Variants in MYO9B observed in about 807,000 individuals in gnomAD.
MYO9B encodes the protein unconventional myosin-IXb.
A neutral mutation model predicts 229.5 loss-of-function variants in MYO9B; 71 were observed. The ratio of observed to expected loss-of-function variants is 0.31; its 90% CI spans 0.26 to 0.38. The LOEUF is 0.38. MYO9B is among the 10% of genes least tolerant of loss of function. The pLI is 1.00. For missense variants in MYO9B, 2,255 were observed against 2,920.5 expected (o/e 0.77, Z 5.25); for synonymous variants, 1,185 against 1,235.8 (o/e 0.96, Z 0.86).
intron 3 of MYO9B, among the ~76,000 whole-genome samples, chr19:17,149,403 G>A (rs1467057968): frequency 6.6e-6 from 1 of 152,090 alleles, no homozygotes; most frequent in Non-Finnish European, 1.5e-5. Context: ...TAGCCTCCCC[G>A]ACCTTCCCCA....
chr19:17,210,513 C>A, intron 37 of MYO9B, 133 bp downstream of exon 37: 1 of 1,273,286 alleles, frequency 7.9e-7, no homozygotes, highest in Non-Finnish European at 1.1e-6. Flanking sequence ...GCTGGGGAGG[C>A]CCCTTGCCTG....
At chr19:17,112,331 G>A (rs996846790) in intron 2 of MYO9B, among the ~76,000 whole-genome samples, 2 of 152,182 alleles carry the variant, frequency 1.3e-5, no homozygotes, top group Non-Finnish European at 2.9e-5. Context: ...GGGCAGGCGT[G>A]CCCAGGTATA....
chr19:17,101,723 T>C lies in MYO9B; in HGVS notation c.6T>C (p.Ser2=). The C allele has an allele frequency of 3.8e-6, 6 of 1,572,422 alleles. 1 individual carries two copies. In the South Asian group the frequency reaches 4.6e-5, roughly 12 times the overall value. M[S]VKEAGSSGRR... ...GAAGCCAGGCGGCCGGCAGGATGAG[T>C]GTGAAAGAGGCAGGCAGCTCGGGCC... Residue 2 remains serine (S), a synonymous_variant, in exon 2 of 40, where the codon AGT becomes AGC. Coordinates refer to ENST00000682292, the MANE Select transcript of MYO9B (RefSeq NM_004145.4). The surrounding 1 kb of genome is among the most constrained non-coding windows in gnomAD (Gnocchi z 4.7).
At chr19:17,080,548 A>G (rs983578030) in intron 1 of MYO9B, among the ~76,000 whole-genome samples, 2 of 152,040 alleles carry the variant, frequency 1.3e-5, no homozygotes, top group African/African-American at 4.8e-5. Context: ...TAATGACATC[A>G]TTTTAACTGA....
intron 1 of MYO9B, among the ~76,000 whole-genome samples, chr19:17,093,689 GGGGT>G (rs1294151837): frequency 0.013 from 290 of 22,002 alleles, 4 homozygotes; most frequent in South Asian, 0.089. Context: ...TTTTTTGCGG[GGGGT>G]GGGGGGGGGG....
Position 17,207,246 on chromosome 19 carries a change from T to A in MYO9B, c.5624+2T>A. The stretch of plus-strand genomic sequence containing the variant: ...GAAGGACGTCCTCAAGATCACCACG[T>A]GAGTGCCCACCCTGCCCCGGAGGCA... On this transcript the variant is annotated splice_donor_variant, in intron 35 of 39. Transcript: ENST00000682292. LOFTEE classifies it high-confidence loss of function. 6.3e-7 allele frequency: 1 copy of A among 1,593,642 alleles called. No individual in the cohort carries two copies. The highest frequency in any genetic ancestry group is 8.5e-7 in the Non-Finnish European group (1 of 1,171,406).
At chr19:17,196,646 G>C (rs1487100950) in intron 22 of MYO9B, among the ~76,000 whole-genome samples, 1 of 150,998 alleles carries the variant, frequency 6.6e-6, no homozygotes, top group Non-Finnish European at 1.5e-5. Context: ...TCAAGTCACT[G>C]CACTCCAGCC....
intron 36 of MYO9B, among the ~76,000 whole-genome samples, 156 bp downstream of exon 36, chr19:17,209,865 G>A (rs2073205991): frequency 6.6e-6 from 1 of 152,074 alleles, no homozygotes; most frequent in African/African-American, 2.4e-5. Flanking sequence ...GCCGAGGATG[G>A]GACCGGGTAG....
At chr19:17,090,353 G>A (rs2057626005) in intron 1 of MYO9B, among the ~76,000 whole-genome samples, 1 of 151,970 alleles carries the variant, frequency 6.6e-6, no homozygotes, top group Non-Finnish European at 1.5e-5. Flanking sequence ...GTTTCGCCAT[G>A]TTCCCGAGGC....
At chr19:17,197,438 A>G (rs1052151595) in intron 22 of MYO9B, among the ~76,000 whole-genome samples, 4 of 152,134 alleles carry the variant, frequency 2.6e-5, no homozygotes, top group African/African-American at 9.7e-5. Flanking sequence ...ATAGATAGAT[A>G]GATAGATAGA....
intron 2 of MYO9B, among the ~76,000 whole-genome samples, chr19:17,134,630 T>G (rs2072246809): frequency 6.6e-6 from 1 of 151,984 alleles, no homozygotes; most frequent in Non-Finnish European, 1.5e-5. Context: ...TCAAGTGATC[T>G]GCCCACCTTG....
rs376395206 is a variant in MYO9B, at chr19:17,194,869, C to T, written c.3442C>T (p.Arg1148Cys). 20 of 1,613,172 alleles carry T rather than the reference C, an allele frequency of 1.2e-5. No homozygotes were observed. Among genetic ancestry groups the T allele is most frequent in the South Asian group, 7.7e-5 (7 of 91,086 alleles). Reference sequence around the variant, plus strand: ...GAAAGTCCCCAGCAGCCGGGAGAAGCGTGAGTCGCGTCGGCAAAGAGGGCT... The same window carrying T: ...GAAAGTCCCCAGCAGCCGGGAGAAGTGTGAGTCGCGTCGGCAAAGAGGGCT... Reference protein sequence around the residue: ...HEKVPSSREKRESRRQRGLEH... With the variant: ...HEKVPSSREKCESRRQRGLEH... Residue 1148 changes from arginine to cysteine, a missense_variant, in exon 22 of 40, where the codon CGT becomes TGT. This residue lies in a region of MYO9B where 679 missense variants were observed against 770.2 expected (regional missense o/e 0.88). Transcript: ENST00000682292.
At chr19:17,206,959 G>A in intron 34 of MYO9B, 154 bp from the exon 35 acceptor site, 9 of 1,303,372 alleles carry the variant, frequency 6.9e-6, no homozygotes, top group African/African-American at 1.5e-5. Flanking sequence ...GGTCCCTTGA[G>A]GTACCTCTCT....
intron 18 of MYO9B, among the ~76,000 whole-genome samples, chr19:17,187,657 T>C (rs760210651): frequency 4.6e-5 from 7 of 151,858 alleles, no homozygotes; most frequent in Non-Finnish European, 1.0e-4. Flanking sequence ...TGGCCTCAAC[T>C]GATCCTCCCA....
chr19:17,172,924 G>A lies in MYO9B; in HGVS notation c.2101G>A (p.Ala701Thr), dbSNP rs199630006. 559 of 1,599,592 alleles carry A rather than the reference G, an allele frequency of 3.5e-4. 2 individuals carry two copies. Among genetic ancestry groups the A allele is most frequent in the Non-Finnish European group, 4.5e-4 (532 of 1,179,622 alleles). ...AIRAMAVLRE[A>T]GRLRAERAEK... ...CCGGGCCATGGCAGTGCTTCGGGAGGCCGGACGCCTGCGGGCCGAGAGGGC... is the reference window on the plus strand; with the variant it reads ...CCGGGCCATGGCAGTGCTTCGGGAGACCGGACGCCTGCGGGCCGAGAGGGC... Residue 701 changes from alanine to threonine, a missense_variant, in exon 13 of 40, where the codon GCC becomes ACC. This residue lies in a region of MYO9B where 155 missense variants were observed against 159.1 expected (regional missense o/e 0.97). Transcript: ENST00000682292. This position sits in a 1 kb window ranked among gnomAD's most constrained non-coding sequence, Gnocchi z 8.2.
At chr19:17,208,353 A>T (rs200697383) in intron 35 of MYO9B, among the ~76,000 whole-genome samples, 10 of 124,616 alleles carry the variant, frequency 8.0e-5, no homozygotes, top group African/African-American at 1.9e-4. Context: ...AAAAAAAAAA[A>T]ATCCAGATGG....
At chr19:17,156,714 C>A (rs996514833) in intron 6 of MYO9B, among the ~76,000 whole-genome samples, 195 bp from the exon 7 acceptor site, 1 of 152,164 alleles carries the variant, frequency 6.6e-6, no homozygotes, top group Non-Finnish European at 1.5e-5. Context: ...CAGATCAAAT[C>A]CAGGAAAAAG....
intron 2 of MYO9B, among the ~76,000 whole-genome samples, chr19:17,136,871 T>C (rs2072276680): frequency 6.6e-6 from 1 of 152,116 alleles, no homozygotes; most frequent in South Asian, 2.1e-4. Context: ...ATGGAAGGAT[T>C]GCTTGAGTCC....
rs199815953 is a variant in MYO9B, at chr19:17,093,693, T to C, written c.-58-7967T>C. Among the ~76,000 whole-genome samples the C allele has an allele frequency of 1.3e-4, 14 of 111,584 alleles. No individual in the cohort carries two copies. The East Asian group carries it at 3.4e-3, about 27-fold the overall frequency. The allele number at this position is 111,584 out of a possible 152,430, so 73.2% of individuals were successfully genotyped here. ...TTTAAAGCAGTTTTTTTGCGGGGGG[T>C]GGGGGGGGGGGTGGTTTGAGATAGG... On this transcript the variant is annotated intron_variant, in intron 1 of 39. Transcript: ENST00000682292.
Sources: gnomAD v4.1 joint callset for allele counts (sites outside exome capture counted in the v4.1 genomes callset) on GRCh38, gnomAD v4.1.1 for gene constraint, gnomAD v4.1.1 regional missense constraint, Gnocchi (gnomAD v3.1) non-coding constraint, MANE v1.5 for transcripts, NCBI Gene and HGNC (gene_info 2026-07-23, HGNC 2026-07-21) for gene names.